NEGR1: variants seen among roughly 807,000 people sequenced by gnomAD.
NEGR1 encodes neuronal growth regulator 1, also known as IgLON family member 4.
NEGR1 carries 10 observed loss-of-function variants against 40.9 expected under a neutral mutation model. The observed-to-expected ratio is 0.24, with a 90% CI of 0.15 to 0.42. The LOEUF (loss-of-function observed/expected upper bound fraction) is 0.42. Ranked by LOEUF, NEGR1 falls within the 10% of genes least tolerant of loss-of-function variation. NEGR1 has a pLI of 1.00. For missense variants in NEGR1, 352 were observed against 438.9 expected (o/e 0.80, Z 1.77); for synonymous variants, 185 against 166.8 (o/e 1.11, Z -0.84).
At chr1:71,888,628 C>T (rs1171758133) in intron 2 of NEGR1, among the ~76,000 whole-genome samples, 5 of 135,814 alleles carry the variant, frequency 3.7e-5, no homozygotes, top group Admixed American at 1.5e-4. Flanking sequence ...AAGGCGGCAA[C>T]GAGGCTGGGG....
chr1:72,104,433 C>A (rs980826391), intron 1 of NEGR1, among the ~76,000 whole-genome samples: 1 of 151,846 alleles, frequency 6.6e-6, no homozygotes, highest in Non-Finnish European at 1.5e-5. Flanking sequence ...GAGCTGTGAG[C>A]CAAAAAACAT....
chr1:71,851,156 G>A (rs779949110), intron 2 of NEGR1, among the ~76,000 whole-genome samples: 12 of 152,124 alleles, frequency 7.9e-5, no homozygotes, highest in Non-Finnish European at 1.2e-4. Flanking sequence ...ACCACACAAC[G>A]CAGCAGAATA....
intron 4 of NEGR1, among the ~76,000 whole-genome samples, chr1:71,613,478 C>T (rs970573654): frequency 4.0e-5 from 6 of 151,872 alleles, no homozygotes; most frequent in Non-Finnish European, 7.4e-5. Flanking sequence ...GAAACCCCGT[C>T]TCTACTAAAA....
At chr1:72,011,830 A>G (rs906708506) in intron 1 of NEGR1, among the ~76,000 whole-genome samples, 1 of 152,146 alleles carries the variant, frequency 6.6e-6, no homozygotes, top group Non-Finnish European at 1.5e-5. Context: ...AAAGGCACAA[A>G]GGCAAACGAA....
chr1:71,840,744 G>A (rs1036352315), intron 2 of NEGR1, among the ~76,000 whole-genome samples: 4 of 152,118 alleles, frequency 2.6e-5, no homozygotes, highest in Non-Finnish European at 4.4e-5. Flanking sequence ...TGACTGGACC[G>A]TGGTACCCAA....
At chr1:71,658,089 C>T (rs1442895774) in intron 4 of NEGR1, among the ~76,000 whole-genome samples, 1 of 152,166 alleles carries the variant, frequency 6.6e-6, no homozygotes, top group African/African-American at 2.4e-5. Context: ...TTGCCTCTTG[C>T]TCTATGCATT....
intron 1 of NEGR1, among the ~76,000 whole-genome samples, chr1:72,247,476 C>T (rs1654938705): frequency 6.6e-6 from 1 of 152,292 alleles, no homozygotes; most frequent in African/African-American, 2.4e-5. Flanking sequence ...TTTAAATCAT[C>T]ACTCTGACCT....
chr1:71,805,025 G>A (rs1296456410), intron 2 of NEGR1, among the ~76,000 whole-genome samples: 1 of 152,106 alleles, frequency 6.6e-6, no homozygotes, highest in East Asian at 1.9e-4. Flanking sequence ...TGCTTTGGGG[G>A]TGGCTGTCTT....
intron 1 of NEGR1, among the ~76,000 whole-genome samples, chr1:72,243,540 C>G (rs945096579): frequency 6.6e-6 from 1 of 151,788 alleles, no homozygotes; most frequent in Non-Finnish European, 1.5e-5. Context: ...TACCACTGGA[C>G]TTTGCAGCAG....
At chr1:71,475,952 A>G (rs1646816877) in intron 6 of NEGR1, among the ~76,000 whole-genome samples, 1 of 151,966 alleles carries the variant, frequency 6.6e-6, no homozygotes, top group Admixed American at 6.6e-5. Flanking sequence ...GATACACAAA[A>G]CTTAACTTAG....
rs571408467 is a variant in NEGR1, at chr1:71,522,255, A to G, written c.940+70562T>C. 8.5e-5 allele frequency among the ~76,000 whole-genome samples: 13 copies of G among 152,126 alleles called. No individual in the cohort carries two copies. The South Asian group carries it at 2.1e-3, about 24-fold the overall frequency. The stretch of plus-strand genomic sequence containing the variant: ...GCCCAGTATGTAGCACATAATATAT[A>G]CTAGGCAAGGGATGTTGAATTAGTG... On this transcript the variant is annotated intron_variant, in intron 6 of 6. Coordinates refer to ENST00000357731, the MANE Select transcript of NEGR1 (RefSeq NM_173808.3).
chr1:71,917,225 C>A (rs746360516), intron 2 of NEGR1, among the ~76,000 whole-genome samples: 9 of 152,066 alleles, frequency 5.9e-5, no homozygotes, highest in Non-Finnish European at 1.3e-4. Flanking sequence ...TGAATCATAC[C>A]GAATTAAATT....
At chr1:71,854,803 AG>A (rs1659711889) in intron 2 of NEGR1, among the ~76,000 whole-genome samples, 1 of 152,146 alleles carries the variant, frequency 6.6e-6, no homozygotes, top group South Asian at 2.1e-4. Flanking sequence ...TCACGAGAAA[AG>A]CATGGGGGTA....
chr1:72,137,371 T>G (rs921997087), intron 1 of NEGR1, among the ~76,000 whole-genome samples: 11 of 151,870 alleles, frequency 7.2e-5, no homozygotes, highest in African/African-American at 2.4e-4. Flanking sequence ...ATAGACTAGA[T>G]AAAGAAAATG....
At chr1:71,523,802 A>T (rs1419111495) in intron 6 of NEGR1, among the ~76,000 whole-genome samples, 1 of 151,934 alleles carries the variant, frequency 6.6e-6, no homozygotes, top group African/African-American at 2.4e-5. Context: ...GCAAGCATGC[A>T]TCAGTTTAAC....
chr1:72,209,525 C>T (rs970722428), intron 1 of NEGR1, among the ~76,000 whole-genome samples: 1 of 151,732 alleles, frequency 6.6e-6, no homozygotes, highest in African/African-American at 2.4e-5. Context: ...ACTCTGAACA[C>T]CTATCCCACT....
At chr1:72,183,675 A>G (rs1176363404) in intron 1 of NEGR1, among the ~76,000 whole-genome samples, 1 of 152,110 alleles carries the variant, frequency 6.6e-6, no homozygotes, top group Non-Finnish European at 1.5e-5. Flanking sequence ...ACATAAGAAA[A>G]ACTTCCCTAA....
chr1:71,831,374 C>T (rs1658834897), intron 2 of NEGR1, among the ~76,000 whole-genome samples: 1 of 151,846 alleles, frequency 6.6e-6, no homozygotes, highest in African/African-American at 2.4e-5. Context: ...AAAAGCTACC[C>T]TAGTTTGGGG....
At chr1:72,211,154 T>A (rs1445862005) in intron 1 of NEGR1, among the ~76,000 whole-genome samples, 1 of 151,776 alleles carries the variant, frequency 6.6e-6, no homozygotes, top group African/African-American at 2.4e-5. Flanking sequence ...ATCAATAGGA[T>A]TCTAATCAGT....
Sources: allele counts gnomAD v4.1 joint callset (sites outside exome capture counted in the v4.1 genomes callset), GRCh38; gene constraint gnomAD v4.1.1; transcripts MANE v1.5; gene names NCBI Gene and HGNC (gene_info 2026-07-23, HGNC 2026-07-21).